Variants in XIRP2 observed in about 807,000 individuals in gnomAD.
XIRP2 encodes xin actin binding repeat containing 2, also known as xin actin-binding repeat-containing protein 2.
In XIRP2, 236 loss-of-function variants were observed where a neutral mutation model predicts 277.0. The ratio of observed to expected loss-of-function variants is 0.85; its 90% confidence interval spans 0.77 to 0.95. XIRP2 has a LOEUF of 0.95. XIRP2 is among the 40% of genes least tolerant of loss of function. The probability of loss-of-function intolerance (pLI) is 0.00; values close to 1 mark genes in which losing one functional copy is unlikely to be tolerated. For missense variants in XIRP2, 4,640 were observed against 4,157.5 expected (o/e 1.12, Z -3.19); for synonymous variants, 1,490 against 1,416.5 (o/e 1.05, Z -1.17).
intron 2 of XIRP2, among the ~76,000 whole-genome samples, chr2:167,083,855 T>G (rs1274224794): frequency 6.6e-6 from 1 of 151,918 alleles, no homozygotes; most frequent in Non-Finnish European, 1.5e-5. Context: ...GACAATGTGG[T>G]TTTCTAGATA....
At chr2:167,200,908 T>G (rs993181567) in intron 3 of XIRP2, among the ~76,000 whole-genome samples, 2 of 152,050 alleles carry the variant, frequency 1.3e-5, no homozygotes, top group African/African-American at 4.8e-5. Context: ...GCTGTATTAC[T>G]TGAGGCCAGG....
At chr2:166,988,810 T>C (rs1191920278) in intron 2 of XIRP2, among the ~76,000 whole-genome samples, 2 of 46,956 alleles carry the variant, frequency 4.3e-5, no homozygotes, top group East Asian at 7.5e-4. Flanking sequence ...GCTCAGAGGG[T>C]CCTACGCCCA....
At chr2:167,044,167 C>A (rs565014579) in intron 2 of XIRP2, among the ~76,000 whole-genome samples, 1 of 152,050 alleles carries the variant, frequency 6.6e-6, no homozygotes, top group South Asian at 2.1e-4. Context: ...GAATTAAAAG[C>A]AAAACCACAT....
At chr2:166,946,425 G>A (rs1415153133) in intron 2 of XIRP2, among the ~76,000 whole-genome samples, 1 of 152,022 alleles carries the variant, frequency 6.6e-6, no homozygotes, top group African/African-American at 2.4e-5. Context: ...TTATTTCAAT[G>A]ATTTATTTTG....
chr2:167,171,745 T>C (rs1053154878), intron 3 of XIRP2, among the ~76,000 whole-genome samples: 2 of 152,198 alleles, frequency 1.3e-5, no homozygotes, highest in Non-Finnish European at 2.9e-5. Context: ...TAGGTATATA[T>C]GGATTTAAGA....
chr2:167,201,218 GA>G (rs1434908132), intron 3 of XIRP2, among the ~76,000 whole-genome samples: 2 of 101,694 alleles, frequency 2.0e-5, no homozygotes, highest in South Asian at 3.6e-4. Context: ...AAGAAAGAAA[GA>G]AAGAAAGAAA....
intron 2 of XIRP2, among the ~76,000 whole-genome samples, chr2:167,087,713 G>A (rs531353757): frequency 3.7e-4 from 57 of 152,136 alleles, no homozygotes; most frequent in Non-Finnish European, 6.5e-4. Flanking sequence ...TTCCAGGTGC[G>A]TCTGTCACCC....
In XIRP2 at chr2:167,244,626, T is replaced by C; in HGVS notation, c.3234T>C (p.Ser1078=). The change falls in exon 9 of 11, where the codon AGT becomes AGC. Residue 1078 remains serine (S), a synonymous_variant. Transcript: ENST00000409195. ...KYFSDVEETE[S]KTEQTRDIVK... ...TTAGTGATGTGGAAGAAACAGAAAG[T>C]AAAACTGAACAAACTAGAGATATTG... 6.2e-7 allele frequency: 1 copy of C among 1,612,964 alleles called. No homozygotes were observed.
At chr2:167,093,509 T>G (rs1690209367) in intron 2 of XIRP2, among the ~76,000 whole-genome samples, 1 of 152,020 alleles carries the variant, frequency 6.6e-6, no homozygotes, top group East Asian at 1.9e-4. Flanking sequence ...GATGTTCCCC[T>G]CCCTGTGCCC....
At chr2:166,898,616 T>TA (rs1478906895) in intron 1 of XIRP2, among the ~76,000 whole-genome samples, 2 of 152,136 alleles carry the variant, frequency 1.3e-5, no homozygotes, top group Non-Finnish European at 2.9e-5. Context: ...TAGTACATTA[T>TA]AAAAATCAGG....
intron 3 of XIRP2, among the ~76,000 whole-genome samples, chr2:167,183,284 T>A (rs1051931481): frequency 1.3e-5 from 2 of 152,190 alleles, no homozygotes; most frequent in African/African-American, 4.8e-5. Flanking sequence ...GGTGGCACTG[T>A]TTTCATTCAC....
chr2:167,249,120 A>G lies in XIRP2; in HGVS notation c.7728A>G (p.Gln2576=). 1 of 1,613,858 alleles carries G rather than the reference A, an allele frequency of 6.2e-7. No homozygotes were observed. The highest frequency in any genetic ancestry group is 1.1e-5 in the South Asian group (1 of 91,078). ...SYYNIVKTQS[Q]NQHITEVEKE... ...ACAACATTGTTAAAACTCAAAGCCA[A>G]AATCAACACATAACAGAGGTGGAAA... The change falls in exon 9 of 11, where the codon CAA becomes CAG. Residue 2576 remains glutamine (Q), a synonymous_variant. Transcript: ENST00000409195.
rs374558336 is a variant in XIRP2 at position 167,187,360 on chromosome 2, A to T, written c.563-23375A>T. On this transcript the variant is annotated intron_variant, in intron 3 of 10. Coordinates refer to ENST00000409195, the MANE Select transcript of XIRP2 (RefSeq NM_152381.6). ...CTGCTAAAATAAATTCAGCCGTCCC[A>T]TCTACTTGCTTGATAGACCCTTCAG... 46 of 985,348 alleles carry T rather than the reference A, an allele frequency of 4.7e-5. No homozygotes were observed. The East Asian group carries it at 1.0e-3, about 22-fold the overall frequency. The allele number at this position is 985,348 out of a possible 1,614,324, so 61.0% of individuals were successfully genotyped here. A position where few individuals can be genotyped will look rare whatever the true frequency, so the allele number is the denominator to read the frequency against.
intron 2 of XIRP2, among the ~76,000 whole-genome samples, chr2:167,076,469 T>C (rs1689576023): frequency 1.3e-5 from 2 of 152,086 alleles, no homozygotes; most frequent in Non-Finnish European, 2.9e-5. Context: ...GATAAGAAAA[T>C]GAACTTGCAA....
At chr2:167,213,593 TA>T (rs1168899068) in intron 4 of XIRP2, among the ~76,000 whole-genome samples, 1 of 151,588 alleles carries the variant, frequency 6.6e-6, no homozygotes, top group East Asian at 1.9e-4. Flanking sequence ...ATAATAAACA[TA>T]AAAAGTTTCA....
In XIRP2 at chr2:167,250,739, C is replaced by T. The variant is rs1695461854; in HGVS notation, c.9347C>T (p.Thr3116Ile). The change falls in exon 9 of 11, where the codon ACA (threonine) becomes ATA (isoleucine). Residue 3116 changes from threonine (T) to isoleucine (I), a missense_variant. Thr to Ile is a moderately conservative substitution (Grantham distance 89). Coordinates refer to ENST00000409195, the MANE Select transcript of XIRP2 (RefSeq NM_152381.6). ...DSNIPPPSLK[T>I]RPPSPTFITI... is the part of the protein sequence containing the mutation. ...AACATTCCTCCTCCCTCTTTAAAAA[C>T]ACGCCCACCGTCACCAACTTTTATC... 1 of 1,613,364 alleles carries T rather than the reference C, an allele frequency of 6.2e-7. No homozygotes were observed. Among genetic ancestry groups the T allele is most frequent in the Non-Finnish European group, 8.5e-7 (1 of 1,179,736 alleles).
Position 167,243,777 on chromosome 2 carries a change from A to G in XIRP2, c.2385A>G (p.Ile795Met). 1 of 1,614,068 alleles carries G rather than the reference A, an allele frequency of 6.2e-7. No individual in the cohort carries two copies. ...CAGAAATTAAAGTTGTCCGAGGAAT[A>G]TCCATGGAAGAAAATGTCAAAGGTG... The part of the protein sequence containing the change: ...DITEIKVVRG[I>M]SMEENVKGGV... The change falls in exon 9 of 11, where the codon ATA becomes ATG. Residue 795 changes from isoleucine (I) to methionine (M), a missense_variant. Ile to Met is a conservative substitution (Grantham distance 10). Coordinates refer to ENST00000409195, the MANE Select transcript of XIRP2 (RefSeq NM_152381.6).
At chr2:167,142,474 G>T (rs555086715) in intron 3 of XIRP2, among the ~76,000 whole-genome samples, 1 of 152,106 alleles carries the variant, frequency 6.6e-6, no homozygotes, top group Admixed American at 6.5e-5. Flanking sequence ...CTTGAACCCG[G>T]GAGGTGGAGG....
intron 3 of XIRP2, among the ~76,000 whole-genome samples, chr2:167,175,885 A>G (rs1340633517): frequency 1.3e-5 from 2 of 152,152 alleles, no homozygotes; most frequent in Non-Finnish European, 2.9e-5. Flanking sequence ...AGCTTTGCCT[A>G]GCTGTGGTAC....
Sources: gnomAD v4.1 joint callset for allele counts (sites outside exome capture counted in the v4.1 genomes callset) on GRCh38, gnomAD v4.1.1 for gene constraint, MANE v1.5 for transcripts, NCBI Gene and HGNC (gene_info 2026-07-23, HGNC 2026-07-21) for gene names.